Variants in STAT1 observed in about 807,000 individuals in gnomAD.
The protein encoded by STAT1 is signal transducer and activator of transcription 1-alpha/beta.
STAT1 carries 24 observed loss-of-function variants against 111.7 expected under a neutral mutation model. The observed-to-expected ratio is 0.21, with a 90% CI of 0.16 to 0.30. The LOEUF (loss-of-function observed/expected upper bound fraction) is 0.30. Ranked by LOEUF, STAT1 falls within the 10% of genes least tolerant of loss-of-function variation. STAT1 has a pLI of 1.00. For synonymous variants in STAT1, 332 were observed against 326.5 expected (o/e 1.02, Z -0.18); for missense variants, 351 against 911.9 (o/e 0.38, Z 7.92).
chr2:190,971,489 A>G lies in STAT1; in HGVS notation c.2239-772T>C, dbSNP rs1309985451. Among the ~76,000 whole-genome samples, 1 of 152,104 alleles carries G rather than the reference A, an allele frequency of 6.6e-6. No homozygotes were observed. The highest frequency in any genetic ancestry group is 1.5e-5 in the Non-Finnish European group (1 of 68,012). Reference sequence around the variant, plus strand: ...CACAGGAAAGCTCCCCACCCCACCAATCCCCAACAAATAATTCTGAAGCCC... The same window carrying G: ...CACAGGAAAGCTCCCCACCCCACCAGTCCCCAACAAATAATTCTGAAGCCC... On this transcript the variant is annotated intron_variant, in intron 24 of 24. Transcript: ENST00000361099. This position sits in a 1 kb window ranked among gnomAD's most constrained non-coding sequence, Gnocchi z 4.1.
chr2:190,985,744 G>A, intron 14 of STAT1, 84 bp from the exon 15 acceptor site: 1 of 1,406,832 alleles, frequency 7.1e-7, no homozygotes, highest in East Asian at 2.3e-5. Context: ...ACAAAGTTAG[G>A]ACTAGAAAGA....
chr2:191,008,057 G>C (rs4306740), intron 4 of STAT1: 1 of 450,164 alleles, frequency 2.2e-6, no homozygotes, highest in Admixed American at 2.5e-5. Flanking sequence ...CTTTGAACTA[G>C]ACCAAAGATA....
chr2:190,979,858 T>G lies in STAT1; in HGVS notation c.1641A>C (p.Ile547=). 6.2e-7 allele frequency: 1 copy of G among 1,606,030 alleles called. No individual in the cohort carries two copies. The highest frequency in any genetic ancestry group is 8.5e-7 in the Non-Finnish European group (1 of 1,172,702). Residue 547 remains isoleucine, a synonymous_variant, in exon 20 of 25, where the codon ATA becomes ATC. Coordinates refer to ENST00000361099, the MANE Select transcript of STAT1 (RefSeq NM_007315.4). This position sits in a 1 kb window ranked among gnomAD's most constrained non-coding sequence, Gnocchi z 5.8. ...IPWTRFCKEN[I]NDKNFPFWLW... ...GCCAGAAGGGAAAATTTTTATCATT[T>G]ATATTTTCCTGAAAGTATACAAATG...
In STAT1 at chr2:190,971,874, G is replaced by A. The variant is rs1691505519; in HGVS notation, c.2239-1157C>T. Among the ~76,000 whole-genome samples, 4 of 151,982 alleles carry A rather than the reference G, an allele frequency of 2.6e-5. No homozygotes were observed. The highest frequency in any genetic ancestry group is 2.0e-4 in the Admixed American group (3 of 15,262). ...ATTACAGGCACACACCACCATGGCT[G>A]GCTAATTTTTGTATTTTTAGTAGAG... On this transcript the variant is annotated intron_variant, in intron 24 of 24. Coordinates refer to ENST00000361099, the MANE Select transcript of STAT1 (RefSeq NM_007315.4). The surrounding 1 kb of genome is among the most constrained non-coding windows in gnomAD (Gnocchi z 4.1).
chr2:191,003,856 C>T lies in STAT1; in HGVS notation c.373-2693G>A, dbSNP rs1382540611. Among the ~76,000 whole-genome samples, 1 of 152,160 alleles carries T rather than the reference C, an allele frequency of 6.6e-6. No individual in the cohort carries two copies. Among genetic ancestry groups the T allele is most frequent in the Admixed American group, 6.5e-5 (1 of 15,282 alleles). On this transcript the variant is annotated intron_variant, in intron 5 of 24. Coordinates refer to ENST00000361099, the MANE Select transcript of STAT1 (RefSeq NM_007315.4). This position sits in a 1 kb window ranked among gnomAD's most constrained non-coding sequence, Gnocchi z 4.0. ...GCTTTGTAACAGCTGGGACACTACA[C>T]CTAGAGAGAGGGACCAGGCCACTGG... is the stretch of plus-strand genomic sequence containing the variant.
At position 190,982,263 on chromosome 2, in the gene STAT1, A is replaced by C; in HGVS notation, c.1582+120T>G. On this transcript the variant is annotated intron_variant, in intron 18 of 24. Transcript: ENST00000361099. This position sits in a 1 kb window ranked among gnomAD's most constrained non-coding sequence, Gnocchi z 7.3. The stretch of plus-strand genomic sequence containing the variant: ...AGCTATAATAAACTATAGCTTGAAA[A>C]GCTGACAGATTTTAGTACTTTTTTA... 1 of 1,185,520 alleles carries C rather than the reference A, an allele frequency of 8.4e-7. No homozygotes were observed. The highest frequency in any genetic ancestry group is 1.3e-5 in the South Asian group (1 of 78,664). 73.4% of individuals were successfully genotyped at this position (1,185,520 alleles called of 1,614,324 possible). A position where few individuals can be genotyped will look rare whatever the true frequency, so the allele number is the denominator to read the frequency against.
Position 190,995,222 on chromosome 2 carries a change from G to A in STAT1, c.786-3C>T, listed in dbSNP as rs2125063059. The A allele has an allele frequency of 1.2e-6, 2 of 1,613,818 alleles. No homozygotes were observed. Among genetic ancestry groups the A allele is most frequent in the Non-Finnish European group, 1.7e-6 (2 of 1,179,916 alleles). On this transcript the variant is annotated splice_region_variant and splice_polypyrimidine_tract_variant and intron_variant, in intron 9 of 24. Transcript: ENST00000361099. The surrounding 1 kb of genome is among the most constrained non-coding windows in gnomAD (Gnocchi z 4.2). Reference sequence around the variant, plus strand: ...GACTCTCCGCAACTATAGTGAACCTGGGAAGACACAAGACACAGATGTCTC... The same window carrying A: ...GACTCTCCGCAACTATAGTGAACCTAGGAAGACACAAGACACAGATGTCTC...
rs574531210 is a variant in STAT1, at chr2:190,974,627, C to T, written c.2238+203G>A. 7.0e-4 allele frequency among the ~76,000 whole-genome samples: 106 copies of T among 152,300 alleles called. 1 individual carries two copies. The South Asian group carries it at 0.022, about 31-fold the overall frequency. On this transcript the variant is annotated intron_variant, in intron 24 of 24. Transcript: ENST00000361099. This position sits in a 1 kb window ranked among gnomAD's most constrained non-coding sequence, Gnocchi z 4.8. Reference sequence around the variant, plus strand: ...CTTGTTTTTTGGAAGGTGCTGAATGCGAGGAATAAAAATCCCACTGATGAT... The same window carrying T: ...CTTGTTTTTTGGAAGGTGCTGAATGTGAGGAATAAAAATCCCACTGATGAT...
chr2:190,973,855 T>G lies in STAT1; in HGVS notation c.2238+975A>C, dbSNP rs1691688855. ...AGGAAAAAAGTCAAAAAATTACACA[T>G]GAGAAACCTGAATCCAGGCAGATCT... On this transcript the variant is annotated intron_variant, in intron 24 of 24. Coordinates refer to ENST00000361099, the MANE Select transcript of STAT1 (RefSeq NM_007315.4). The surrounding 1 kb of genome is among the most constrained non-coding windows in gnomAD (Gnocchi z 4.4). Among the ~76,000 whole-genome samples, 1 of 152,072 alleles carries G rather than the reference T, an allele frequency of 6.6e-6. No homozygotes were observed. The highest frequency in any genetic ancestry group is 1.5e-5 in the Non-Finnish European group (1 of 67,984).
chr2:191,008,939 T>C (rs770040696), intron 4 of STAT1, 24 bp downstream of exon 4: 49 of 1,611,864 alleles, frequency 3.0e-5, no homozygotes, highest in Non-Finnish European at 4.0e-5. Flanking sequence ...ACATTTCAAC[T>C]AAAATACAAA....
In STAT1 at chr2:190,976,586, T is replaced by C. The variant is rs2124999041; in HGVS notation, c.2059+254A>G. On this transcript the variant is annotated intron_variant, in intron 22 of 24. Transcript: ENST00000361099. The surrounding 1 kb of genome is among the most constrained non-coding windows in gnomAD (Gnocchi z 6.0). Reference sequence around the variant, plus strand: ...AACCCTTTTCATGTGGAAACAGTGATAGTAACAAATACACAAGACCAGCAA... The same window carrying C: ...AACCCTTTTCATGTGGAAACAGTGACAGTAACAAATACACAAGACCAGCAA... Among the ~76,000 whole-genome samples the C allele has an allele frequency of 6.6e-6, 1 of 152,350 alleles. No individual in the cohort carries two copies. Among genetic ancestry groups the C allele is most frequent in the Non-Finnish European group, 1.5e-5 (1 of 68,040 alleles).
At position 190,974,903 on chromosome 2, in the gene STAT1, T is replaced by G; in HGVS notation, c.2165A>C (p.Asn722Thr). Residue 722 changes from asparagine (N) to threonine (T), a missense_variant, in exon 24 of 25, where the codon AAC (asparagine) becomes ACC (threonine). Transcript: ENST00000361099. This position sits in a 1 kb window ranked among gnomAD's most constrained non-coding sequence, Gnocchi z 4.8. ...CTCCTCAGGAGACATGGGGAGCAGG[T>G]TGTCTGTGGTCTGAAGTCTAGAAGG... The part of the protein sequence containing the change: ...VHPSRLQTTD[N>T]LLPMSPEEFD... 1.2e-6 allele frequency: 2 copies of G among 1,614,180 alleles called. No individual in the cohort carries two copies. Among genetic ancestry groups the G allele is most frequent in the Non-Finnish European group, 1.7e-6 (2 of 1,179,998 alleles).
chr2:190,989,565 T>C lies in STAT1; in HGVS notation c.1097+50A>G. Reference sequence around the variant, plus strand: ...AGGAATCTGTGCTTGAGTAACAAAATCAACATTTCAATAGTACATGTATGT... The same window carrying C: ...AGGAATCTGTGCTTGAGTAACAAAACCAACATTTCAATAGTACATGTATGT... On this transcript the variant is annotated intron_variant, in intron 12 of 24. Transcript: ENST00000361099. This position sits in a 1 kb window ranked among gnomAD's most constrained non-coding sequence, Gnocchi z 5.0. 3 of 1,179,928 alleles carry C rather than the reference T, an allele frequency of 2.5e-6. No homozygotes were observed. The highest frequency in any genetic ancestry group is 3.7e-6 in the Non-Finnish European group (3 of 816,320). The allele number at this position is 1,179,928 out of a possible 1,614,324, so 73.1% of individuals were successfully genotyped here. A position where few individuals can be genotyped will look rare whatever the true frequency, so the allele number is the denominator to read the frequency against.
In STAT1 at chr2:190,970,520, CT is replaced by C. The variant is rs1426152930; in HGVS notation, c.*182del. ...TACCTTCAGTAAGATGCATGATGCC[CT>C]TCAGAGTAACTGATGTTTCTGAGTT... is the stretch of plus-strand genomic sequence containing the variant. On this transcript the variant is annotated 3_prime_UTR_variant, in exon 25 of 25. Transcript: ENST00000361099. The surrounding 1 kb of genome is among the most constrained non-coding windows in gnomAD (Gnocchi z 5.4). 9.9e-6 allele frequency: 7 copies of C among 704,568 alleles called. No homozygotes were observed. The Admixed American group carries it at 1.4e-4, about 14-fold the overall frequency. The allele number at this position is 704,568 out of a possible 1,614,324, so 43.6% of individuals were successfully genotyped here. A position where few individuals can be genotyped will look rare whatever the true frequency, so the allele number is the denominator to read the frequency against.
chr2:191,010,052 A>G (rs762749982), intron 2 of STAT1, 48 bp from the exon 3 acceptor site: 2 of 1,607,136 alleles, frequency 1.2e-6, no homozygotes, highest in Admixed American at 3.3e-5. Context: ...TGGAAACCAT[A>G]GCTCCAAAGA....
At chr2:190,994,927 A>AAAAAAATATAT (rs1165918318) in intron 10 of STAT1, 134 bp downstream of exon 10, 4 of 134,082 alleles carry the variant, frequency 3.0e-5, no homozygotes, top group African/African-American at 1.2e-4. Flanking sequence ...AAAAAAAAAA[A>AAAAAAATATAT]ATATATATAT....
rs1170483282 is a variant in STAT1 at position 190,999,540 on chromosome 2, AATAG to A, written c.541+82_541+85del. 1 of 924,936 alleles carries A rather than the reference AATAG, an allele frequency of 1.1e-6. No individual in the cohort carries two copies. The highest frequency in any genetic ancestry group is 1.8e-6 in the Non-Finnish European group (1 of 559,452). The allele number at this position is 924,936 out of a possible 1,614,324, so 57.3% of individuals were successfully genotyped here. A position where few individuals can be genotyped will look rare whatever the true frequency, so the allele number is the denominator to read the frequency against. ...ATTCAGAGTCATAAAATACTCGGCA[AATAG>A]AAAGGAGTAATCATCTTCGTTATCT... On this transcript the variant is annotated intron_variant, in intron 7 of 24. Transcript: ENST00000361099. This position sits in a 1 kb window ranked among gnomAD's most constrained non-coding sequence, Gnocchi z 4.1.
rs1383308079 is a variant in STAT1, at chr2:191,004,107, T to C, written c.373-2944A>G. On this transcript the variant is annotated intron_variant, in intron 5 of 24. Transcript: ENST00000361099. The surrounding 1 kb of genome is among the most constrained non-coding windows in gnomAD (Gnocchi z 5.0). ...AGTCCCTCCAAGTCACTCAAACCCT[T>C]GGTGCTCTCTTACCCCTTCCACTCA... is the stretch of plus-strand genomic sequence containing the variant. Among the ~76,000 whole-genome samples the C allele has an allele frequency of 6.6e-6, 1 of 152,172 alleles. No individual in the cohort carries two copies. Among genetic ancestry groups the C allele is most frequent in the African/African-American group, 2.4e-5 (1 of 41,420 alleles).
Position 191,009,884 on chromosome 2 carries a change from C to T in STAT1, c.120G>A (p.Lys40=). 2 of 1,613,872 alleles carry T rather than the reference C, an allele frequency of 1.2e-6. No individual in the cohort carries two copies. The highest frequency in any genetic ancestry group is 1.7e-6 in the Non-Finnish European group (2 of 1,179,838). The change falls in exon 3 of 25, where the codon AAG becomes AAA. Residue 40 remains lysine (K), a synonymous_variant. Coordinates refer to ENST00000361099, the MANE Select transcript of STAT1 (RefSeq NM_007315.4). ...TAGTGAATTTTCCTTACCAGTCTTG[C>T]TTTTCTAACCACTGTGCCAGGTACT... ...IRQYLAQWLE[K]QDWEHAANDV...
Sources: allele counts gnomAD v4.1 joint callset (sites outside exome capture counted in the v4.1 genomes callset), GRCh38; gene constraint gnomAD v4.1.1; non-coding constraint Gnocchi (gnomAD v3.1); transcripts MANE v1.5; gene names NCBI Gene and HGNC (gene_info 2026-07-23, HGNC 2026-07-21).